The following DAB1 variants were observed in gnomAD, a reference collection of about 807,000 sequenced individuals.
DAB1 encodes the protein DAB adaptor protein 1.
Under a neutral mutation model 64.6 loss-of-function variants are expected in DAB1, and 15 were observed. The ratio of observed to expected loss-of-function variants is 0.23; its 90% CI spans 0.16 to 0.36. DAB1 has a LOEUF of 0.36. Ranked by LOEUF, DAB1 falls within the 10% of genes least tolerant of loss-of-function variation. DAB1 has a pLI of 1.00. For synonymous variants in DAB1, 235 were observed against 251.9 expected (o/e 0.93, Z 0.64); for missense variants, 596 against 706.7 (o/e 0.84, Z 1.78).
chr1:57,928,869 T>C (rs1644916537), intron 5 of DAB1, among the ~76,000 whole-genome samples: 1 of 152,244 alleles, frequency 6.6e-6, no homozygotes, highest in South Asian at 2.1e-4. Flanking sequence ...GACATCTTGG[T>C]TGCAATTAGG....
Position 57,393,000 on chromosome 1 carries a change from A to G in DAB1, c.-137+30930T>C, listed in dbSNP as rs72907270. ...CCCGGCTCCACATTCAGGATGTACT[A>G]TCTCTTCAATGTGTGACCTTTTTCA... is the stretch of plus-strand genomic sequence containing the variant. On this transcript the variant is annotated intron_variant, in intron 1 of 14. Coordinates refer to ENST00000371236, the MANE Select transcript of DAB1 (RefSeq NM_001365792.1). Among the ~76,000 whole-genome samples, 1,079 of 152,308 alleles carry G rather than the reference A, an allele frequency of 7.1e-3. 12 individuals carry two copies. Among genetic ancestry groups the G allele is most frequent in the African/African-American group, 0.024 (1,008 of 41,554 alleles).
At chr1:58,295,681 C>T (rs1374969069) in intron 4 of DAB1, among the ~76,000 whole-genome samples, 1 of 152,030 alleles carries the variant, frequency 6.6e-6, no homozygotes, top group African/African-American at 2.4e-5. Context: ...ATGCCCAGTA[C>T]AGAGGACATG....
At chr1:57,429,260 G>A (rs572657712) in intron 7 of DAB1, among the ~76,000 whole-genome samples, 184 of 152,116 alleles carry the variant, frequency 1.2e-3, no homozygotes, top group Non-Finnish European at 1.6e-3. Flanking sequence ...CTTTTTACAT[G>A]CCTGCTGGCC....
At chr1:58,517,688 T>C (rs969135389) in intron 2 of DAB1, among the ~76,000 whole-genome samples, 2 of 152,166 alleles carry the variant, frequency 1.3e-5, no homozygotes, top group Non-Finnish European at 2.9e-5. Context: ...ATCCCTATAA[T>C]CTGGAAGTTA....
chr1:57,358,936 C>T (rs1013017103), intron 1 of DAB1, among the ~76,000 whole-genome samples: 1 of 151,872 alleles, frequency 6.6e-6, no homozygotes. Context: ...ATTTACTTCT[C>T]ACCATATACA....
chr1:57,232,968 A>T (rs1667797540), intron 2 of DAB1, among the ~76,000 whole-genome samples: 1 of 152,140 alleles, frequency 6.6e-6, no homozygotes, highest in African/African-American at 2.4e-5. Flanking sequence ...AACTTCAGTC[A>T]CCTTCCTTTC....
intron 6 of DAB1, among the ~76,000 whole-genome samples, chr1:57,664,911 GT>G (rs1646428722): frequency 6.6e-6 from 1 of 151,916 alleles, no homozygotes; most frequent in South Asian, 2.1e-4. Context: ...TACATCAAAT[GT>G]TGTGAACAGT....
intron 3 of DAB1, among the ~76,000 whole-genome samples, chr1:58,394,740 C>T (rs1483554542): frequency 1.3e-5 from 2 of 152,060 alleles, no homozygotes; most frequent in East Asian, 3.9e-4. Context: ...CCGGGGCTGG[C>T]AATGGTAGGA....
chr1:57,998,638 A>G (rs1308322963), intron 5 of DAB1, among the ~76,000 whole-genome samples: 1 of 152,216 alleles, frequency 6.6e-6, no homozygotes, highest in African/African-American at 2.4e-5. Flanking sequence ...TGCTGGGATT[A>G]CAGGCATGAG....
intron 4 of DAB1, among the ~76,000 whole-genome samples, chr1:57,120,405 G>A (rs1459096920): frequency 6.6e-6 from 1 of 152,130 alleles, no homozygotes; most frequent in African/African-American, 2.4e-5. Context: ...GAAATCATAG[G>A]AAGGTATGCT....
At chr1:57,903,651 A>T (rs1644508682) in intron 5 of DAB1, among the ~76,000 whole-genome samples, 1 of 152,150 alleles carries the variant, frequency 6.6e-6, no homozygotes, top group African/African-American at 2.4e-5. Flanking sequence ...GCGTATTTCC[A>T]TGCTTGTCTT....
chr1:57,051,626 T>C (rs569700006), intron 9 of DAB1, among the ~76,000 whole-genome samples: 44 of 152,274 alleles, frequency 2.9e-4, no homozygotes, highest in Non-Finnish European at 4.9e-4. Flanking sequence ...GGTGGCAATA[T>C]GAGAATCTTT....
intron 5 of DAB1, among the ~76,000 whole-genome samples, chr1:58,120,864 G>A (rs563742869): frequency 6.6e-6 from 1 of 152,298 alleles, no homozygotes; most frequent in South Asian, 2.1e-4. Context: ...GCAGGAGCCA[G>A]GCGAAGGTGG....
chr1:58,320,820 C>T (rs992106840), intron 4 of DAB1, among the ~76,000 whole-genome samples: 1 of 152,214 alleles, frequency 6.6e-6, no homozygotes, highest in African/African-American at 2.4e-5. Flanking sequence ...TGAGACTGTG[C>T]TTCCTCCCAG....
chr1:57,755,035 A>T (rs1047547392), intron 6 of DAB1, among the ~76,000 whole-genome samples: 1 of 152,248 alleles, frequency 6.6e-6, no homozygotes, highest in Non-Finnish European at 1.5e-5. Flanking sequence ...TAAAAAGGTA[A>T]TCAAACACAC....
intron 11 of DAB1, 107 bp from the exon 12 acceptor site, chr1:57,015,538 CAG>C: frequency 9.8e-7 from 1 of 1,021,286 alleles, no homozygotes; most frequent in Non-Finnish European, 1.4e-6. Flanking sequence ...AACTAAGTGC[CAG>C]ACTGTGTGCC....
chr1:58,148,596 AATGGACTC>A (rs1353167205), intron 5 of DAB1, among the ~76,000 whole-genome samples: 1 of 152,212 alleles, frequency 6.6e-6, no homozygotes, highest in Non-Finnish European at 1.5e-5. Context: ...AAAAAGGTTT[AATGGACTC>A]ACAGTTCCAC....
At chr1:57,587,478 T>A (rs1006988035) in intron 7 of DAB1, among the ~76,000 whole-genome samples, 1 of 152,178 alleles carries the variant, frequency 6.6e-6, no homozygotes, top group Non-Finnish European at 1.5e-5. Context: ...GATTGTATAA[T>A]GTTATTTTCC....
intron 7 of DAB1, among the ~76,000 whole-genome samples, chr1:57,445,850 T>C (rs1686117860): frequency 1.3e-5 from 2 of 152,330 alleles, no homozygotes; most frequent in South Asian, 2.1e-4. Flanking sequence ...ATAACTCCAC[T>C]TGAGGACTTT....
Sources: gnomAD v4.1 joint callset for allele counts (sites outside exome capture counted in the v4.1 genomes callset) on GRCh38, gnomAD v4.1.1 for gene constraint, MANE v1.5 for transcripts, NCBI Gene and HGNC (gene_info 2026-07-23, HGNC 2026-07-21) for gene names.